The following EVI5 variants were observed in gnomAD, a reference collection of about 807,000 sequenced individuals.
EVI5 encodes the protein ecotropic viral integration site 5, also known as ecotropic viral integration site 5 protein homolog.
EVI5 carries 73 observed loss-of-function variants against 112.0 expected under a neutral mutation model. The observed-to-expected ratio is 0.65, with a 90% CI of 0.54 to 0.79. The LOEUF (loss-of-function observed/expected upper bound fraction) is 0.79, where lower values mean the gene tolerates loss of function less well. Among genes scored for constraint, EVI5 ranks in the 30% least tolerant of loss-of-function variants. The pLI, the probability that EVI5 is intolerant of heterozygous loss-of-function variation, is 0.00. For synonymous variants in EVI5, 305 were observed against 319.9 expected (o/e 0.95, Z 0.50); for missense variants, 900 against 968.8 (o/e 0.93, Z 0.94).
intron 11 of EVI5, among the ~76,000 whole-genome samples, chr1:92,664,365 A>T (rs969636983): frequency 2.6e-5 from 4 of 152,172 alleles, no homozygotes; most frequent in African/African-American, 9.7e-5. Context: ...TAAAAAAAGG[A>T]ACTTAATTTT....
chr1:92,593,194 C>T (rs544448394), intron 18 of EVI5, among the ~76,000 whole-genome samples: 9 of 152,322 alleles, frequency 5.9e-5, no homozygotes, highest in Admixed American at 5.2e-4. Flanking sequence ...AAACTGAATA[C>T]AGCAGCACAT....
chr1:92,561,520 T>C (rs1307672681), intron 19 of EVI5, among the ~76,000 whole-genome samples: 1 of 152,134 alleles, frequency 6.6e-6, no homozygotes, highest in Non-Finnish European at 1.5e-5. Context: ...TTAAACTTCA[T>C]GTGAGTTATT....
chr1:92,630,916 T>C (rs1482231075), intron 14 of EVI5, among the ~76,000 whole-genome samples: 1 of 152,006 alleles, frequency 6.6e-6, no homozygotes, highest in Non-Finnish European at 1.5e-5. Flanking sequence ...CACCATTTAT[T>C]AAATAGGGAA....
At chr1:92,606,914 ACACACACACCCC>A (rs1232675918) in intron 17 of EVI5, among the ~76,000 whole-genome samples, 6 of 101,388 alleles carry the variant, frequency 5.9e-5, no homozygotes, top group South Asian at 4.5e-4. Flanking sequence ...ACACACACAC[ACACACACACCCC>A]CCCAAACCCT....
intron 2 of EVI5, among the ~76,000 whole-genome samples, chr1:92,717,640 C>G (rs143020158): frequency 6.6e-6 from 1 of 152,082 alleles, no homozygotes; most frequent in Non-Finnish European, 1.5e-5. Context: ...TATCAATTAA[C>G]GGGCAAAATA....
intron 16 of EVI5, among the ~76,000 whole-genome samples, chr1:92,616,514 C>T (rs765076998): frequency 2.1e-5 from 3 of 140,458 alleles, no homozygotes; most frequent in African/African-American, 8.0e-5. Flanking sequence ...TAATTAATCA[C>T]GGTGTTCCTA....
intron 1 of EVI5, among the ~76,000 whole-genome samples, chr1:92,790,553 T>A: frequency 6.6e-6 from 1 of 150,906 alleles, no homozygotes; most frequent in African/African-American, 2.4e-5. Flanking sequence ...AGGCTCACAA[T>A]GAAATAGTGA....
intron 13 of EVI5, among the ~76,000 whole-genome samples, chr1:92,654,842 T>C (rs1662738687): frequency 6.6e-6 from 1 of 152,030 alleles, no homozygotes; most frequent in African/African-American, 2.4e-5. Context: ...AGGTAAAAGC[T>C]TTAACAGTAG....
chr1:92,667,718 C>T (rs1222062972), intron 10 of EVI5, among the ~76,000 whole-genome samples: 2 of 152,150 alleles, frequency 1.3e-5, no homozygotes, highest in African/African-American at 2.4e-5. Context: ...CAGGTTCAAG[C>T]GATTCTCCTG....
intron 1 of EVI5, chr1:92,756,365 C>T (rs979641743): frequency 1.9e-6 from 1 of 518,840 alleles, no homozygotes; most frequent in Non-Finnish European, 3.9e-6. Flanking sequence ...TGCAGATTTC[C>T]TGGAAGTACT....
intron 3 of EVI5, chr1:92,703,876 A>C: frequency 3.4e-6 from 1 of 290,476 alleles, no homozygotes; most frequent in Non-Finnish European, 6.0e-6. Context: ...TGGACTTGAA[A>C]CCTGCAGAGC....
chr1:92,736,097 C>CT (rs2102813670), intron 2 of EVI5, among the ~76,000 whole-genome samples: 1 of 151,672 alleles, frequency 6.6e-6, no homozygotes, highest in African/African-American at 2.4e-5. Flanking sequence ...CCAAAGGAGA[C>CT]TGTTCAGAGA....
At chr1:92,530,408 G>A (rs1193137781) in intron 19 of EVI5, among the ~76,000 whole-genome samples, 4 of 152,054 alleles carry the variant, frequency 2.6e-5, no homozygotes, top group East Asian at 1.9e-4. Flanking sequence ...AGAGAGCAGC[G>A]GATCTCCCAA....
At chr1:92,697,745 C>A in intron 6 of EVI5, 115 bp downstream of exon 6, 1 of 837,644 alleles carries the variant, frequency 1.2e-6, no homozygotes, top group South Asian at 1.7e-5. Context: ...AATTAAAACA[C>A]TTACTTCTTC....
chr1:92,719,409 C>T (rs893936380), intron 2 of EVI5, among the ~76,000 whole-genome samples: 20 of 151,832 alleles, frequency 1.3e-4, no homozygotes, highest in African/African-American at 3.6e-4. Flanking sequence ...AATCAATAAA[C>T]GTAATCCATC....
intron 18 of EVI5, among the ~76,000 whole-genome samples, chr1:92,596,628 A>C (rs949273166): frequency 6.6e-6 from 1 of 152,182 alleles, no homozygotes; most frequent in African/African-American, 2.4e-5. Context: ...GGACAGAAAG[A>C]AGCTTACTTA....
intron 19 of EVI5, among the ~76,000 whole-genome samples, chr1:92,544,294 C>G (rs1256397660): frequency 6.6e-6 from 1 of 152,108 alleles, no homozygotes; most frequent in Non-Finnish European, 1.5e-5. Flanking sequence ...TATTAAAAAC[C>G]ACTGAATTGT....
chr1:92,711,707 GT>G (rs1490907926), intron 2 of EVI5, among the ~76,000 whole-genome samples: 1 of 152,130 alleles, frequency 6.6e-6, no homozygotes, highest in East Asian at 1.9e-4. Context: ...CAAACACAAG[GT>G]TCAAACATCT....
intron 18 of EVI5, among the ~76,000 whole-genome samples, chr1:92,592,329 A>G (rs891336449): frequency 2.6e-5 from 4 of 152,384 alleles, no homozygotes; most frequent in African/African-American, 2.4e-5. Context: ...TACTGGGTAC[A>G]TAATGAAATG....
Sources: allele counts gnomAD v4.1 joint callset (sites outside exome capture counted in the v4.1 genomes callset), GRCh38; gene constraint gnomAD v4.1.1; transcripts MANE v1.5; gene names NCBI Gene and HGNC (gene_info 2026-07-23, HGNC 2026-07-21).